AFG2A: variants seen among roughly 807,000 people sequenced by gnomAD.
The protein encoded by AFG2A is ATPase family gene 2 protein homolog A.
chr4:123,097,355 C>T, the AFG2A span, among the ~76,000 whole-genome samples: 1 of 46,924 alleles, frequency 2.1e-5, no homozygotes, highest in Non-Finnish European at 5.3e-5. Context: ...TTAGCTAAGT[C>T]AGAACTAAAA....
At chr4:123,194,784 CA>C in the AFG2A span, among the ~76,000 whole-genome samples, 53 of 152,044 alleles carry the variant, frequency 3.5e-4, no homozygotes, top group African/African-American at 1.2e-3. Flanking sequence ...ATGGCAATGG[CA>C]AAAACAGTTT....
the AFG2A span, among the ~76,000 whole-genome samples, chr4:122,989,227 T>A: frequency 6.6e-6 from 1 of 152,210 alleles, no homozygotes; most frequent in African/African-American, 2.4e-5. Flanking sequence ...ACAACACTTC[T>A]TGTCTTTACA....
At chr4:123,227,653 G>C in the AFG2A span, among the ~76,000 whole-genome samples, 2 of 152,036 alleles carry the variant, frequency 1.3e-5, no homozygotes, top group Non-Finnish European at 2.9e-5. Context: ...TTTTGGAATA[G>C]GTATGGTGTG....
At chr4:123,202,798 C>T in the AFG2A span, among the ~76,000 whole-genome samples, 4 of 152,138 alleles carry the variant, frequency 2.6e-5, no homozygotes, top group Non-Finnish European at 1.5e-5. Flanking sequence ...GTTGGATTCT[C>T]CCATCTTCTT....
the AFG2A span, among the ~76,000 whole-genome samples, chr4:122,989,505 A>G: frequency 9.2e-5 from 14 of 152,082 alleles, no homozygotes; most frequent in Non-Finnish European, 2.1e-4. Context: ...GAGTTCATGG[A>G]TGCCACCTGG....
At chr4:122,930,597 T>C in the AFG2A span, among the ~76,000 whole-genome samples, 1 of 152,222 alleles carries the variant, frequency 6.6e-6, no homozygotes, top group Non-Finnish European at 1.5e-5. Flanking sequence ...AGAAGCTTTG[T>C]ATATATTGCA....
the AFG2A span, among the ~76,000 whole-genome samples, chr4:122,939,071 C>A: frequency 1.3e-5 from 1 of 76,208 alleles, no homozygotes; most frequent in Non-Finnish European, 2.4e-5. Flanking sequence ...GGGATATGTT[C>A]TTTCTTTTTT....
At chr4:123,093,135 G>A in the AFG2A span, among the ~76,000 whole-genome samples, 1 of 152,116 alleles carries the variant, frequency 6.6e-6, no homozygotes, top group Non-Finnish European at 1.5e-5. Flanking sequence ...TAGCCTAGGA[G>A]GGTTCTTTGC....
At chr4:123,053,296 G>A in the AFG2A span, among the ~76,000 whole-genome samples, 2 of 152,230 alleles carry the variant, frequency 1.3e-5, no homozygotes, top group Non-Finnish European at 2.9e-5. Context: ...TGGCCCAGAT[G>A]GACCTGGGGT....
At chr4:123,137,398 C>G in the AFG2A span, among the ~76,000 whole-genome samples, 1 of 152,164 alleles carries the variant, frequency 6.6e-6, no homozygotes, top group Non-Finnish European at 1.5e-5. Context: ...TTCAGCTTTG[C>G]TTCATCTGTG....
the AFG2A span, among the ~76,000 whole-genome samples, chr4:123,075,334 A>T: frequency 2.0e-5 from 3 of 151,402 alleles, no homozygotes; most frequent in Non-Finnish European, 2.9e-5. Context: ...GATATTGGTA[A>T]TGTTTCTGTT....
chr4:123,015,787 G>C, the AFG2A span, among the ~76,000 whole-genome samples: 1 of 127,694 alleles, frequency 7.8e-6, no homozygotes, highest in Admixed American at 7.8e-5. Flanking sequence ...CTCACCTCCC[G>C]GACCGGGCGG....
chr4:122,987,737 T>C, the AFG2A span, among the ~76,000 whole-genome samples: 1 of 152,314 alleles, frequency 6.6e-6, no homozygotes, highest in East Asian at 1.9e-4. Flanking sequence ...GTTACTGATG[T>C]CACGTTTTGC....
chr4:123,103,401 G>A, the AFG2A span, among the ~76,000 whole-genome samples: 1 of 152,096 alleles, frequency 6.6e-6, no homozygotes, highest in Admixed American at 6.6e-5. Flanking sequence ...TACATATGAT[G>A]TCTAGTTAAT....
the AFG2A span, among the ~76,000 whole-genome samples, chr4:123,287,838 A>G: frequency 6.6e-6 from 1 of 152,190 alleles, no homozygotes; most frequent in South Asian, 2.1e-4. Flanking sequence ...TAGGGTGGCC[A>G]TGGAAAACCT....
chr4:122,997,494 C>T, the AFG2A span, among the ~76,000 whole-genome samples: 1 of 152,266 alleles, frequency 6.6e-6, no homozygotes, highest in East Asian at 1.9e-4. Context: ...ACTGCCAGAT[C>T]ATATTCCATT....
chr4:123,179,304 A>ATGC, the AFG2A span, among the ~76,000 whole-genome samples: 6 of 132,344 alleles, frequency 4.5e-5, no homozygotes, highest in South Asian at 2.3e-4. Context: ...CAGCTCACAC[A>ATGC]TACTACTTAC....
the AFG2A span, among the ~76,000 whole-genome samples, chr4:122,947,009 G>T: frequency 6.6e-6 from 1 of 152,054 alleles, no homozygotes; most frequent in South Asian, 2.1e-4. Flanking sequence ...ACAGGAGGAA[G>T]CATTTAGGCT....
chr4:123,006,499 G>A, the AFG2A span, among the ~76,000 whole-genome samples: 4 of 152,036 alleles, frequency 2.6e-5, no homozygotes, highest in Non-Finnish European at 4.4e-5. Flanking sequence ...TCTCACTGGA[G>A]ACTCAAATTA....
Sources: allele counts gnomAD v4.1 joint callset (sites outside exome capture counted in the v4.1 genomes callset), GRCh38; gene constraint gnomAD v4.1.1; transcripts MANE v1.5; gene names NCBI Gene and HGNC (gene_info 2026-07-23, HGNC 2026-07-21).